ARL17A: variants seen among roughly 807,000 people sequenced by gnomAD.
ARL17A encodes the protein ADP-ribosylation factor-like 17-like.
At chr17:46,503,012 A>AT in the ARL17A span, among the ~76,000 whole-genome samples, 1 of 150,644 alleles carries the variant, frequency 6.6e-6, no homozygotes, top group Non-Finnish European at 1.5e-5. Flanking sequence ...GGAGATGGAG[A>AT]TCATCCTGGC....
intron 4 of ARL17A, among the ~76,000 whole-genome samples, chr17:46,529,512 C>G (rs2053338212): frequency 9.4e-6 from 1 of 106,194 alleles, no homozygotes; most frequent in South Asian, 3.1e-4. Context: ...TACTGTGAAT[C>G]TAAAAACACT....
At chr17:46,543,467 T>C (rs1258545162) in intron 3 of ARL17A, among the ~76,000 whole-genome samples, 4 of 151,010 alleles carry the variant, frequency 2.6e-5, no homozygotes, top group African/African-American at 9.9e-5. Context: ...AGCCATGTTA[T>C]GATTGGGACA....
chr17:46,526,426 T>C (rs1260785231), downstream of ARL17A, among the ~76,000 whole-genome samples: 2 of 103,034 alleles, frequency 1.9e-5, 1 homozygote, highest in Non-Finnish European at 4.2e-5. Flanking sequence ...TGATCGATGA[T>C]GAATAGAGCC....
intron 3 of ARL17A, among the ~76,000 whole-genome samples, chr17:46,522,530 C>T (rs1427324433): frequency 6.5e-5 from 6 of 92,362 alleles, no homozygotes; most frequent in Admixed American, 2.0e-4. Flanking sequence ...CTGCAAGGTC[C>T]GCCTCCTGGG....
At chr17:46,526,495 A>G (rs2052780855), downstream of ARL17A, among the ~76,000 whole-genome samples, 1 of 104,874 alleles carries the variant, frequency 9.5e-6, no homozygotes, top group South Asian at 4.5e-4. Flanking sequence ...GGGCCCCTGG[A>G]AATTTTTGTA....
At chr17:46,558,163 A>G (rs1293830285) in intron 3 of ARL17A, among the ~76,000 whole-genome samples, 1 of 116,868 alleles carries the variant, frequency 8.6e-6, no homozygotes, top group Non-Finnish European at 1.7e-5. Context: ...GGGTTCAAGC[A>G]AGTCTCCTGC....
At chr17:46,534,270 C>T (rs1178648769) in intron 4 of ARL17A, among the ~76,000 whole-genome samples, 3 of 142,332 alleles carry the variant, frequency 2.1e-5, no homozygotes, top group Non-Finnish European at 4.5e-5. Flanking sequence ...GGTCATAGGA[C>T]AATAGTGGAG....
Position 46,533,461 on chromosome 17 carries a change from G to A in ARL17A, c.336-4602C>T, listed in dbSNP as rs532525241. ...TTATATACCTTATGTTCATCAACTA[G>A]ATTTATAATTATTGCATTATGTAAG... On this transcript the variant is annotated intron_variant, in intron 4 of 4. Coordinates refer to the ARL17A transcript ENST00000329240. 4.4e-3 allele frequency among the ~76,000 whole-genome samples: 614 copies of A among 138,628 alleles called. 33 individuals are homozygous for A. Among genetic ancestry groups the A allele is most frequent in the African/African-American group, 0.017 (575 of 33,750 alleles). The allele number at this position is 138,628 out of a possible 152,430, so 90.9% of individuals were successfully genotyped here.
At chr17:46,535,265 T>C (rs1381379782) in intron 4 of ARL17A, among the ~76,000 whole-genome samples, 49 of 146,916 alleles carry the variant, frequency 3.3e-4, no homozygotes, top group Admixed American at 1.9e-3. Context: ...TGAGTTGCTT[T>C]TCTCTTGCTG....
chr17:46,539,943 CT>C (rs1317290619), intron 3 of ARL17A, among the ~76,000 whole-genome samples: 2 of 139,152 alleles, frequency 1.4e-5, no homozygotes, highest in South Asian at 2.2e-4. Flanking sequence ...TTGCTATCCA[CT>C]TTTTTTTTCC....
chr17:46,516,216 T>G, downstream of ARL17A, among the ~76,000 whole-genome samples: 1 of 143,506 alleles, frequency 7.0e-6, no homozygotes, highest in Admixed American at 7.3e-5. Context: ...GGCAGGAGAA[T>G]GGCATGAACC....
the ARL17A span, among the ~76,000 whole-genome samples, chr17:46,501,175 C>T: frequency 6.6e-6 from 1 of 151,132 alleles, no homozygotes; most frequent in Non-Finnish European, 1.5e-5. Flanking sequence ...AGCCACCATG[C>T]CCAGCTATAT....
chr17:46,501,512 G>A, the ARL17A span, among the ~76,000 whole-genome samples: 25 of 151,352 alleles, frequency 1.7e-4, 1 homozygote, highest in African/African-American at 4.9e-4. Flanking sequence ...ATGTGTGGGC[G>A]TGACCAAGTC....
chr17:46,548,497 C>G, downstream of ARL17A: 1 of 1,261,380 alleles, frequency 7.9e-7, no homozygotes, highest in Non-Finnish European at 1.1e-6. Flanking sequence ...TATCAGTACA[C>G]TAAGTTACAT....
chr17:46,548,226 CTG>C, downstream of ARL17A: 2 of 314,282 alleles, frequency 6.4e-6, no homozygotes, highest in Non-Finnish European at 1.0e-5. Context: ...GACTCCTACT[CTG>C]TGTGACTGGG....
Position 46,545,425 on chromosome 17 carries a change from C to T in ARL17A, c.260-6999G>A, listed in dbSNP as rs1236136085. On this transcript the variant is annotated intron_variant, in intron 3 of 4. Transcript: ENST00000329240. ...TATAATTTTGCCACTGTATTTCAGC[C>T]TGGGTGACAAAATAAAAATAAAAAT... 8.4e-5 allele frequency among the ~76,000 whole-genome samples: 9 copies of T among 107,708 alleles called. No individual in the cohort carries two copies. The East Asian group carries it at 2.3e-3, about 27-fold the overall frequency. The allele number at this position is 107,708 out of a possible 152,430, so 70.7% of individuals were successfully genotyped here.
At chr17:46,541,258 T>C (rs536952918) in intron 3 of ARL17A, among the ~76,000 whole-genome samples, 15 of 150,554 alleles carry the variant, frequency 1.0e-4, no homozygotes, top group African/African-American at 1.5e-4. Flanking sequence ...CCTAATTTTT[T>C]TTTTTGTTTT....
At chr17:46,569,477 G>A (rs1327967460) in intron 3 of ARL17A, among the ~76,000 whole-genome samples, 4 of 147,422 alleles carry the variant, frequency 2.7e-5, no homozygotes, top group African/African-American at 7.9e-5. Context: ...ATGGGGGTTC[G>A]TTATGTTATC....
downstream of ARL17A, chr17:46,548,524 G>T: frequency 1.4e-6 from 2 of 1,393,848 alleles, no homozygotes; most frequent in African/African-American, 4.1e-5. Flanking sequence ...TTATTTCTCA[G>T]CGGTAAACCT....
Sources: allele counts gnomAD v4.1 joint callset (sites outside exome capture counted in the v4.1 genomes callset), GRCh38; gene constraint gnomAD v4.1.1; transcripts MANE v1.5; gene names NCBI Gene and HGNC (gene_info 2026-07-23, HGNC 2026-07-21).